BMP6: variants seen among roughly 807,000 people sequenced by gnomAD.
BMP6 encodes VG-1-R.
A neutral mutation model predicts 54.1 loss-of-function variants in BMP6; 17 were observed. The observed-to-expected ratio is 0.31, with a 90% CI of 0.22 to 0.47. The LOEUF is 0.47. Ranked by LOEUF, BMP6 falls within the 20% of genes least tolerant of loss-of-function variation. BMP6 has a pLI of 1.00. For synonymous variants in BMP6, 328 were observed against 291.2 expected, an observed-to-expected ratio of 1.13 and a Z score of -1.28; for missense variants, 720 against 690.4, an observed-to-expected ratio of 1.04 and a Z score of -0.48.
intron 1 of BMP6, among the ~76,000 whole-genome samples, chr6:7,735,154 C>T (rs918006213): frequency 7.9e-5 from 12 of 152,258 alleles, no homozygotes; most frequent in African/African-American, 2.4e-4. Context: ...CCCTGACCTC[C>T]GATATCCGCC....
chr6:7,833,907 A>G (rs2113239146), intron 1 of BMP6, among the ~76,000 whole-genome samples: 1 of 152,316 alleles, frequency 6.6e-6, no homozygotes, highest in South Asian at 2.1e-4. Flanking sequence ...AAAAAACGAC[A>G]AGATCCAGGA....
chr6:7,790,535 A>AC (rs1758081728), intron 1 of BMP6, among the ~76,000 whole-genome samples: 2 of 121,874 alleles, frequency 1.6e-5, no homozygotes, highest in African/African-American at 2.7e-5. Flanking sequence ...AAAAAAAAAA[A>AC]AAAAAAAAAA....
chr6:7,847,513 G>C (rs1349316328), intron 2 of BMP6, among the ~76,000 whole-genome samples: 1 of 152,170 alleles, frequency 6.6e-6, no homozygotes, highest in Non-Finnish European at 1.5e-5. Flanking sequence ...CTCCAGGCTT[G>C]TGAAGAAATG....
intron 4 of BMP6, among the ~76,000 whole-genome samples, chr6:7,865,774 C>T (rs1759411909): frequency 6.6e-6 from 1 of 152,202 alleles, no homozygotes; most frequent in Non-Finnish European, 1.5e-5. Flanking sequence ...ATTGCATTGT[C>T]TCTGCTGCCC....
chr6:7,873,960 T>A (rs1033791735), intron 4 of BMP6, among the ~76,000 whole-genome samples: 4 of 151,924 alleles, frequency 2.6e-5, no homozygotes, highest in African/African-American at 9.7e-5. Context: ...ACAAGCAGAA[T>A]GAGGTTGGAT....
At chr6:7,876,066 G>A (rs1759611046) in intron 4 of BMP6, among the ~76,000 whole-genome samples, 1 of 152,168 alleles carries the variant, frequency 6.6e-6, no homozygotes, top group Admixed American at 6.5e-5. Flanking sequence ...CGTGGGAAAT[G>A]GGGCTCTGAG....
At chr6:7,841,817 T>C (rs1758975276) in intron 1 of BMP6, among the ~76,000 whole-genome samples, 1 of 152,186 alleles carries the variant, frequency 6.6e-6, no homozygotes, top group Non-Finnish European at 1.5e-5. Flanking sequence ...CATGATATTG[T>C]TGTTTTGGTA....
Position 7,863,025 on chromosome 6 carries a change from GTC to G in BMP6, c.1204+530_1204+531del, listed in dbSNP as rs536017967. Among the ~76,000 whole-genome samples, 262 of 152,248 alleles carry G rather than the reference GTC, an allele frequency of 1.7e-3. 1 individual carries two copies. The highest frequency in any genetic ancestry group is 6.0e-3 in the African/African-American group (251 of 41,544). On this transcript the variant is annotated intron_variant, in intron 4 of 6. Coordinates refer to ENST00000283147, the MANE Select transcript of BMP6 (RefSeq NM_001718.6). ...TTGTTGTTTGTTTTTGGGAGACAGAGTCTCCCTCTGTCGCCCAGGCTGGAGTG... is the reference window on the plus strand; with the variant it reads ...TTGTTGTTTGTTTTTGGGAGACAGAGTCCCTCTGTCGCCCAGGCTGGAGTG...
Position 7,726,415 on chromosome 6 carries a change from C to G in BMP6, c.-541C>G, listed in dbSNP as rs1761723671. Among the ~76,000 whole-genome samples, 1 of 152,238 alleles carries G rather than the reference C, an allele frequency of 6.6e-6. No homozygotes were observed. The highest frequency in any genetic ancestry group is 1.5e-5 in the Non-Finnish European group (1 of 68,044). On this transcript the variant is annotated 5_prime_UTR_variant, in exon 1 of 7. Coordinates refer to ENST00000283147, the MANE Select transcript of BMP6 (RefSeq NM_001718.6). ...CTGGCATTTCGGGACGCCTTGTCGC[C>G]GCAGCCTGGGCCCTGCAACGGGGTA...
Position 7,727,159 on chromosome 6 carries a change from CCGGCGGCTCAAGACG to C in BMP6, c.206_220del (p.Arg69_Thr73del). ...CGCAGTCCTCCTCGGGCTTCCTGTA[CCGGCGGCTCAAGACG>C]CAGGAGAAGCGGGAGATGCAGAAGG... is the stretch of plus-strand genomic sequence containing the variant. On this transcript the variant is annotated inframe_deletion, in exon 1 of 7. Transcript: ENST00000283147. 3.1e-6 allele frequency: 5 copies of C among 1,587,896 alleles called. No homozygotes were observed. The highest frequency in any genetic ancestry group is 4.3e-6 in the Non-Finnish European group (5 of 1,168,606).
intron 1 of BMP6, among the ~76,000 whole-genome samples, chr6:7,784,461 G>T (rs1016447694): frequency 6.6e-6 from 1 of 152,120 alleles, no homozygotes; most frequent in African/African-American, 2.4e-5. Flanking sequence ...ATCTGAGTGT[G>T]TGTTCGGATC....
intron 1 of BMP6, among the ~76,000 whole-genome samples, chr6:7,735,958 C>T (rs1401032731): frequency 6.6e-6 from 1 of 152,102 alleles, no homozygotes; most frequent in Admixed American, 6.5e-5. Flanking sequence ...TCAAAATACG[C>T]AGAGTTCGGG....
At chr6:7,763,204 C>T (rs985909251) in intron 1 of BMP6, among the ~76,000 whole-genome samples, 2 of 152,226 alleles carry the variant, frequency 1.3e-5, no homozygotes, top group African/African-American at 4.8e-5. Context: ...TCAGCCTCCA[C>T]TGTCTGCAGC....
Position 7,771,629 on chromosome 6 carries a change from G to A in BMP6, c.664+44010G>A, listed in dbSNP as rs549321235. Among the ~76,000 whole-genome samples, 52 of 152,314 alleles carry A rather than the reference G, an allele frequency of 3.4e-4. 1 individual carries two copies. Among genetic ancestry groups the A allele is most frequent in the African/African-American group, 1.1e-3 (45 of 41,570 alleles). On this transcript the variant is annotated intron_variant, in intron 1 of 6. Transcript: ENST00000283147. ...CAGCCTGTGTTGAGGTTTCATGGTC[G>A]TATTTGCTGGCCTCTCAGCAGCATT...
intron 1 of BMP6, among the ~76,000 whole-genome samples, chr6:7,803,178 C>T (rs1581254030): frequency 6.6e-6 from 1 of 152,092 alleles, no homozygotes; most frequent in South Asian, 2.1e-4. Flanking sequence ...GAGGGAGCAG[C>T]GTACATCCAC....
chr6:7,858,796 G>A (rs538933723), intron 2 of BMP6, among the ~76,000 whole-genome samples: 1 of 149,150 alleles, frequency 6.7e-6, no homozygotes, highest in African/African-American at 2.5e-5. Context: ...CAGAGGCCCC[G>A]AGCATCCTAG....
intron 1 of BMP6, among the ~76,000 whole-genome samples, chr6:7,747,402 G>T (rs912354113): frequency 6.6e-6 from 1 of 152,162 alleles, no homozygotes; most frequent in Non-Finnish European, 1.5e-5. Context: ...AGAGGGACTC[G>T]AAACATGAGC....
intron 2 of BMP6, among the ~76,000 whole-genome samples, chr6:7,845,562 A>G (rs1364982278): frequency 1.3e-5 from 2 of 152,244 alleles, no homozygotes; most frequent in East Asian, 1.9e-4. Flanking sequence ...TGTATTTATT[A>G]TAAGCATCTT....
chr6:7,832,770 A>C (rs893307304), intron 1 of BMP6, among the ~76,000 whole-genome samples: 3 of 148,562 alleles, frequency 2.0e-5, no homozygotes, highest in African/African-American at 7.5e-5. Context: ...AGCCTTTTCA[A>C]AATTTGGGTT....
Sources: allele counts gnomAD v4.1 joint callset (sites outside exome capture counted in the v4.1 genomes callset), GRCh38; gene constraint gnomAD v4.1.1; transcripts MANE v1.5; gene names NCBI Gene and HGNC (gene_info 2026-07-23, HGNC 2026-07-21).